The following AGBL4 variants were observed in gnomAD, a reference collection of about 807,000 sequenced individuals.
AGBL4 encodes cytosolic carboxypeptidase 6.
Under a neutral mutation model 66.4 loss-of-function variants are expected in AGBL4, and 58 were observed. That is an observed-to-expected ratio of 0.87 (90% CI 0.71 to 1.09). The LOEUF (loss-of-function observed/expected upper bound fraction) is 1.09. AGBL4 is among the 50% of genes least tolerant of loss of function. The pLI is 0.00. For synonymous variants in AGBL4, 234 were observed against 222.9 expected (o/e 1.05, Z -0.44); for missense variants, 579 against 631.0 (o/e 0.92, Z 0.88).
intron 2 of AGBL4, among the ~76,000 whole-genome samples, chr1:49,742,625 A>G (rs377075645): frequency 5.3e-4 from 80 of 152,156 alleles, no homozygotes; most frequent in Admixed American, 8.5e-4. Flanking sequence ...CAAAGCTGGA[A>G]GCATCACGCT....
At chr1:49,859,151 A>T (rs1243054719) in intron 1 of AGBL4, among the ~76,000 whole-genome samples, 1 of 152,228 alleles carries the variant, frequency 6.6e-6, no homozygotes, top group Non-Finnish European at 1.5e-5. Flanking sequence ...TAGCAATATC[A>T]GGAATGAAAA....
At chr1:49,804,517 A>T (rs1644933928) in intron 2 of AGBL4, among the ~76,000 whole-genome samples, 1 of 152,220 alleles carries the variant, frequency 6.6e-6, no homozygotes, top group Non-Finnish European at 1.5e-5. Context: ...CCTATATGCA[A>T]GTAATTCACA....
chr1:48,656,242 G>A (rs1318676896), intron 7 of AGBL4, among the ~76,000 whole-genome samples: 1 of 152,204 alleles, frequency 6.6e-6, no homozygotes, highest in African/African-American at 2.4e-5. Context: ...AACCTCTCTA[G>A]CCAAACCTCA....
rs561985768 is a variant in AGBL4, at chr1:49,201,817, T to G, written c.377+43953A>C. ...TCTCCCTCCTGCCTTCCCAAAGGGCTGGTTAGACTTGGTAAATTTAAATTT... is the reference window on the plus strand; with the variant it reads ...TCTCCCTCCTGCCTTCCCAAAGGGCGGGTTAGACTTGGTAAATTTAAATTT... On this transcript the variant is annotated intron_variant, in intron 4 of 13. Coordinates refer to ENST00000371839, the MANE Select transcript of AGBL4 (RefSeq NM_032785.4). 2.0e-5 allele frequency among the ~76,000 whole-genome samples: 3 copies of G among 152,288 alleles called. No homozygotes were observed. In the South Asian group the frequency reaches 6.2e-4, roughly 32 times the overall value.
chr1:49,082,231 TTTACTAATTGGA>T lies in AGBL4; in HGVS notation c.378-36443_378-36432del, dbSNP rs542319479. 1.2e-3 allele frequency among the ~76,000 whole-genome samples: 181 copies of T among 152,258 alleles called. 1 individual carries two copies. The highest frequency in any genetic ancestry group is 4.3e-3 in the African/African-American group (178 of 41,558). On this transcript the variant is annotated intron_variant, in intron 4 of 13. Coordinates refer to ENST00000371839, the MANE Select transcript of AGBL4 (RefSeq NM_032785.4). ...ACCCATTCCTAAGTTACAACAAATTTTTACTAATTGGATAGAGAAAAAAGGCAAGCCCTTAGT... is the reference window on the plus strand; with the variant it reads ...ACCCATTCCTAAGTTACAACAAATTTTAGAGAAAAAAGGCAAGCCCTTAGT...
chr1:48,631,554 C>A (rs895716436), intron 9 of AGBL4, among the ~76,000 whole-genome samples: 1 of 152,102 alleles, frequency 6.6e-6, no homozygotes, highest in Non-Finnish European at 1.5e-5. Flanking sequence ...CCACACCTGG[C>A]TAATTTTTTT....
At chr1:48,737,817 C>A (rs1399903518) in intron 6 of AGBL4, among the ~76,000 whole-genome samples, 4 of 152,114 alleles carry the variant, frequency 2.6e-5, no homozygotes, top group African/African-American at 9.7e-5. Flanking sequence ...TTTGACATTG[C>A]CATTTATGTC....
chr1:49,771,324 T>A (rs1314724112), intron 2 of AGBL4, among the ~76,000 whole-genome samples: 1 of 152,152 alleles, frequency 6.6e-6, no homozygotes, highest in Non-Finnish European at 1.5e-5. Flanking sequence ...GTTTTCTTGT[T>A]GATTTCTAGT....
Position 49,000,427 on chromosome 1 carries a change from T to G in AGBL4, c.594+45157A>C, listed in dbSNP as rs147479565. ...GCTCTGGGAAGATGAGGATACAACCTTTCTTGTCCATTGCTATACCTCCAG... is the reference window on the plus strand; with the variant it reads ...GCTCTGGGAAGATGAGGATACAACCGTTCTTGTCCATTGCTATACCTCCAG... On this transcript the variant is annotated intron_variant, in intron 5 of 13. Transcript: ENST00000371839. 3.9e-5 allele frequency among the ~76,000 whole-genome samples: 6 copies of G among 152,348 alleles called. No homozygotes were observed. The East Asian group carries it at 1.2e-3, about 29-fold the overall frequency.
chr1:48,778,159 C>CCATA (rs2148714482), intron 6 of AGBL4, among the ~76,000 whole-genome samples: 1 of 152,142 alleles, frequency 6.6e-6, no homozygotes, highest in Admixed American at 6.5e-5. Flanking sequence ...ATCCATCCAT[C>CCATA]CATCCATCCA....
chr1:48,791,292 G>A (rs1456526763), intron 6 of AGBL4, among the ~76,000 whole-genome samples: 1 of 152,144 alleles, frequency 6.6e-6, no homozygotes, highest in African/African-American at 2.4e-5. Context: ...CATTTTCCAG[G>A]TTTAGCATTA....
intron 6 of AGBL4, among the ~76,000 whole-genome samples, chr1:48,819,439 A>C (rs1038299903): frequency 4.6e-5 from 7 of 152,144 alleles, no homozygotes; most frequent in Admixed American, 2.0e-4. Flanking sequence ...GAAGCATCAA[A>C]AGTGTTAAGC....
At chr1:49,428,197 A>G (rs183734555) in intron 3 of AGBL4, among the ~76,000 whole-genome samples, 1 of 152,224 alleles carries the variant, frequency 6.6e-6, no homozygotes, top group African/African-American at 2.4e-5. Context: ...TCCACATAAA[A>G]AATATCAGGA....
chr1:48,565,576 C>T (rs996080717), intron 11 of AGBL4, among the ~76,000 whole-genome samples: 6 of 152,130 alleles, frequency 3.9e-5, no homozygotes, highest in Admixed American at 3.3e-4. Context: ...CTACAGCACT[C>T]AAGCATCCAG....
intron 2 of AGBL4, among the ~76,000 whole-genome samples, chr1:49,733,314 A>G (rs60011117): frequency 9.1e-4 from 138 of 152,352 alleles, no homozygotes; most frequent in African/African-American, 3.2e-3. Context: ...CATGGTACCA[A>G]GAGGTAAATT....
At chr1:48,670,333 G>C (rs74076221) in intron 6 of AGBL4, among the ~76,000 whole-genome samples, 1 of 152,198 alleles carries the variant, frequency 6.6e-6, no homozygotes, top group African/African-American at 2.4e-5. Flanking sequence ...CAGAAAGAAC[G>C]AGTGACTTGC....
chr1:49,276,074 T>C (rs1644161505), intron 3 of AGBL4, among the ~76,000 whole-genome samples: 1 of 151,826 alleles, frequency 6.6e-6, no homozygotes, highest in Non-Finnish European at 1.5e-5. Context: ...TCCATAGAAA[T>C]GCCTCTTATT....
intron 1 of AGBL4, among the ~76,000 whole-genome samples, chr1:49,936,871 G>A (rs979350315): frequency 6.6e-6 from 1 of 152,138 alleles, no homozygotes. Flanking sequence ...ACCGGTACCA[G>A]CCACTACAAA....
intron 9 of AGBL4, among the ~76,000 whole-genome samples, chr1:48,608,635 A>G (rs1645189106): frequency 5.9e-5 from 9 of 152,194 alleles, no homozygotes; most frequent in Admixed American, 4.6e-4. Flanking sequence ...TGGACATATA[A>G]GCAGTAAGTT....
Sources: allele counts gnomAD v4.1 joint callset (sites outside exome capture counted in the v4.1 genomes callset), GRCh38; gene constraint gnomAD v4.1.1; transcripts MANE v1.5; gene names NCBI Gene and HGNC (gene_info 2026-07-23, HGNC 2026-07-21).